Variants in CSMD1 observed in about 807,000 individuals in gnomAD.
CSMD1 encodes the protein CUB and sushi domain-containing protein 1.
A neutral mutation model predicts 417.5 loss-of-function variants in CSMD1; 213 were observed. The ratio of observed to expected loss-of-function variants is 0.51; its 90% CI spans 0.46 to 0.57. CSMD1 has a LOEUF of 0.57. Ranked by LOEUF, CSMD1 falls within the 20% of genes least tolerant of loss-of-function variation. The probability of loss-of-function intolerance (pLI) is 0.00; values close to 1 mark genes in which losing one functional copy is unlikely to be tolerated. For missense variants in CSMD1, 6,923 were observed against 4,529.7 expected, an observed-to-expected ratio of 1.53 and a Z score of -15.17; for synonymous variants, 2,862 against 1,736.8, an observed-to-expected ratio of 1.65 and a Z score of -16.11.
intron 3 of CSMD1, among the ~76,000 whole-genome samples, chr8:4,415,310 ATC>A (rs1191323369): frequency 1.3e-5 from 2 of 152,120 alleles, no homozygotes; most frequent in Admixed American, 6.5e-5. Flanking sequence ...AAAGACAGGC[ATC>A]TGTTTTTCTC....
chr8:4,532,321 G>A (rs188233563), intron 2 of CSMD1, among the ~76,000 whole-genome samples: 5 of 141,636 alleles, frequency 3.5e-5, no homozygotes, highest in Non-Finnish European at 6.0e-5. Context: ...AAGAAATCCT[G>A]CACCTCCATT....
At chr8:4,901,412 G>C (rs536578129) in intron 1 of CSMD1, among the ~76,000 whole-genome samples, 100 of 152,268 alleles carry the variant, frequency 6.6e-4, no homozygotes, top group Middle Eastern at 3.4e-3. Flanking sequence ...GCAGCTCATT[G>C]CTTCTTCCAT....
At chr8:4,984,735 C>A (rs1312499221) in intron 1 of CSMD1, among the ~76,000 whole-genome samples, 3 of 152,118 alleles carry the variant, frequency 2.0e-5, no homozygotes, top group Non-Finnish European at 2.9e-5. Context: ...GGTAGAAGAT[C>A]CTGCAGCAAG....
At chr8:3,205,155 C>G (rs549827738) in intron 31 of CSMD1, among the ~76,000 whole-genome samples, 1 of 152,316 alleles carries the variant, frequency 6.6e-6, no homozygotes, top group African/African-American at 2.4e-5. Context: ...GACATATACA[C>G]AGAGTTCTGA....
chr8:4,538,060 C>A (rs1458542770), intron 2 of CSMD1, among the ~76,000 whole-genome samples: 1 of 152,134 alleles, frequency 6.6e-6, no homozygotes, highest in East Asian at 1.9e-4. Flanking sequence ...TGCTTCATCT[C>A]TCCAATAATT....
At chr8:3,326,381 G>A (rs115259546) in intron 23 of CSMD1, among the ~76,000 whole-genome samples, 2 of 152,174 alleles carry the variant, frequency 1.3e-5, no homozygotes, top group Non-Finnish European at 2.9e-5. Context: ...TTGAGAAATG[G>A]ATGAAGATTT....
chr8:3,440,632 CCT>C (rs1252036002), intron 12 of CSMD1, among the ~76,000 whole-genome samples: 1 of 152,058 alleles, frequency 6.6e-6, no homozygotes, highest in African/African-American at 2.4e-5. Flanking sequence ...ATCTGTATGC[CCT>C]GTTTCTCTTA....
chr8:4,079,847 T>A (rs1324188019), intron 3 of CSMD1, among the ~76,000 whole-genome samples: 2 of 152,182 alleles, frequency 1.3e-5, no homozygotes, highest in African/African-American at 4.8e-5. Flanking sequence ...GATAATGGAA[T>A]GTTTCTAATG....
intron 11 of CSMD1, among the ~76,000 whole-genome samples, chr8:3,472,519 C>A (rs922239885): frequency 6.6e-6 from 1 of 152,076 alleles, no homozygotes; most frequent in Non-Finnish European, 1.5e-5. Flanking sequence ...TCAATCCAAC[C>A]ATCCACTCTC....
At chr8:4,196,245 C>T (rs1799334389) in intron 3 of CSMD1, among the ~76,000 whole-genome samples, 1 of 152,076 alleles carries the variant, frequency 6.6e-6, no homozygotes, top group African/African-American at 2.4e-5. Context: ...TAAAAATAAA[C>T]GTCTGCTGTG....
chr8:4,272,502 T>A (rs373547254), intron 3 of CSMD1, among the ~76,000 whole-genome samples: 215 of 152,266 alleles, frequency 1.4e-3, no homozygotes, highest in African/African-American at 4.9e-3. Flanking sequence ...TCACAGTATT[T>A]CAAAAAATAC....
intron 2 of CSMD1, among the ~76,000 whole-genome samples, chr8:4,584,578 T>A (rs762095845): frequency 6.6e-6 from 1 of 152,078 alleles, no homozygotes; most frequent in Admixed American, 6.6e-5. Flanking sequence ...TTCCTGTACT[T>A]CTGGGCTGAG....
At chr8:4,201,462 C>T (rs960823497) in intron 3 of CSMD1, among the ~76,000 whole-genome samples, 2 of 133,244 alleles carry the variant, frequency 1.5e-5, no homozygotes, top group Admixed American at 8.8e-5. Flanking sequence ...GGCATGAACA[C>T]GGGAGGCGGA....
In CSMD1 at chr8:3,284,298, C is replaced by T. The variant is rs1000122769; in HGVS notation, c.3999G>A (p.Lys1333=). The change falls in exon 26 of 70, where the codon AAG becomes AAA. Residue 1333 remains lysine, a synonymous_variant. Transcript: ENST00000635120. The part of the protein sequence containing the change: ...FDTEMAHDIL[K]VWDGPVDSDI... Reference sequence around the variant, plus strand: ...CACTGTCCACCGGCCCGTCCCAGACCTTGAGGATGTCGTGAGCCATCTCCG... The same window carrying T: ...CACTGTCCACCGGCCCGTCCCAGACTTTGAGGATGTCGTGAGCCATCTCCG... 3.7e-6 allele frequency: 6 copies of T among 1,613,822 alleles called. No individual in the cohort carries two copies. Among genetic ancestry groups the T allele is most frequent in the Admixed American group, 1.7e-5 (1 of 59,996 alleles).
chr8:4,180,518 G>A (rs1039756724), intron 3 of CSMD1, among the ~76,000 whole-genome samples: 1 of 151,574 alleles, frequency 6.6e-6, no homozygotes, highest in Non-Finnish European at 1.5e-5. Context: ...CATGGCACAT[G>A]TATACATATG....
intron 27 of CSMD1, among the ~76,000 whole-genome samples, chr8:3,228,453 G>A (rs1395431369): frequency 6.6e-6 from 1 of 152,130 alleles, no homozygotes; most frequent in Non-Finnish European, 1.5e-5. Context: ...TACGCATGTA[G>A]GCGGGTCTGG....
chr8:4,184,015 G>A (rs115449278), intron 3 of CSMD1, among the ~76,000 whole-genome samples: 1 of 152,170 alleles, frequency 6.6e-6, no homozygotes, highest in African/African-American at 2.4e-5. Flanking sequence ...CAAGGGTACA[G>A]TTAATGTTTG....
In CSMD1 at chr8:3,635,048, T is replaced by TAA. The variant is rs58803215; in HGVS notation, c.1010-18253_1010-18252dup. Among the ~76,000 whole-genome samples, 35 of 145,970 alleles carry TAA rather than the reference T, an allele frequency of 2.4e-4. No homozygotes were observed. The South Asian group carries it at 2.8e-3, about 12-fold the overall frequency. On this transcript the variant is annotated intron_variant, in intron 7 of 69. Transcript: ENST00000635120. ...CTAAGGTAAAAACACTGTTTAATGA[T>TAA]AAAAAAAAAAATGGGATGCCTATAT...
At chr8:3,917,554 T>C (rs887197568) in intron 5 of CSMD1, among the ~76,000 whole-genome samples, 1 of 152,194 alleles carries the variant, frequency 6.6e-6, no homozygotes, top group African/African-American at 2.4e-5. Flanking sequence ...AATGCCTTTT[T>C]TGAAACTGCA....
Sources: allele counts gnomAD v4.1 joint callset (sites outside exome capture counted in the v4.1 genomes callset), GRCh38; gene constraint gnomAD v4.1.1; transcripts MANE v1.5; gene names NCBI Gene and HGNC (gene_info 2026-07-23, HGNC 2026-07-21).